The following PRRX1 variants were observed in gnomAD, a reference collection of about 807,000 sequenced individuals.
The protein encoded by PRRX1 is paired related homeobox 1.
Under a neutral mutation model 24.0 loss-of-function variants are expected in PRRX1, and 8 were observed. That is an observed-to-expected ratio of 0.33 (90% CI 0.20 to 0.60). The LOEUF (loss-of-function observed/expected upper bound fraction) is 0.60, where lower values mean the gene tolerates loss of function less well. Among genes scored for constraint, PRRX1 ranks in the 20% least tolerant of loss-of-function variants. PRRX1 has a pLI of 0.82. For synonymous variants in PRRX1, 160 were observed against 131.7 expected (o/e 1.22, Z -1.47); for missense variants, 281 against 322.4 (o/e 0.87, Z 0.98).
At chr1:170,678,948 A>C (rs562343902) in intron 1 of PRRX1, among the ~76,000 whole-genome samples, 1 of 152,212 alleles carries the variant, frequency 6.6e-6, no homozygotes, top group African/African-American at 2.4e-5. Flanking sequence ...CAGAATCTCC[A>C]AAGTATATGC....
chr1:170,704,265 C>A lies in PRRX1; in HGVS notation c.242-15461C>A, dbSNP rs116338599. ...TCTTTGAAAGAAAGGCCTATATAAA[C>A]GCAACCTCTCAACGCTGGGAAGTTA... On this transcript the variant is annotated intron_variant, in intron 1 of 3. Transcript: ENST00000239461. 3.8e-3 allele frequency among the ~76,000 whole-genome samples: 580 copies of A among 152,252 alleles called. 5 individuals carry two copies. Among genetic ancestry groups the A allele is most frequent in the African/African-American group, 0.013 (527 of 41,538 alleles).
intron 3 of PRRX1, among the ~76,000 whole-genome samples, chr1:170,733,891 T>C (rs1478994260): frequency 2.6e-5 from 4 of 152,124 alleles, no homozygotes; most frequent in Non-Finnish European, 5.9e-5. Context: ...TATATGGGCT[T>C]TGAAAATAAA....
rs575661315 is a variant in PRRX1 at position 170,670,224 on chromosome 1, T to C, written c.241+5765T>C. Reference sequence around the variant, plus strand: ...GCTTTTTGAGTACCATTCCCATTGTTTGGGTGTCCTTTAACTCCGTTTACA... The same window carrying C: ...GCTTTTTGAGTACCATTCCCATTGTCTGGGTGTCCTTTAACTCCGTTTACA... On this transcript the variant is annotated intron_variant, in intron 1 of 3. Coordinates refer to ENST00000239461, the MANE Select transcript of PRRX1 (RefSeq NM_022716.4). Among the ~76,000 whole-genome samples, 369 of 152,306 alleles carry C rather than the reference T, an allele frequency of 2.4e-3. 1 individual carries two copies. Among genetic ancestry groups the C allele is most frequent in the Non-Finnish European group, 4.6e-3 (312 of 68,028 alleles).
At chr1:170,735,137 A>G (rs1266032930) in intron 3 of PRRX1, among the ~76,000 whole-genome samples, 1 of 152,242 alleles carries the variant, frequency 6.6e-6, no homozygotes, top group Non-Finnish European at 1.5e-5. Context: ...TATTAAGTCT[A>G]TGAAACCATT....
intron 1 of PRRX1, among the ~76,000 whole-genome samples, chr1:170,718,401 TAA>T (rs1156557990): frequency 6.6e-6 from 1 of 152,218 alleles, no homozygotes; most frequent in Non-Finnish European, 1.5e-5. Context: ...CAATTTGTAA[TAA>T]AAACAATATT....
At chr1:170,689,122 T>G (rs765460371) in intron 1 of PRRX1, among the ~76,000 whole-genome samples, 3 of 152,160 alleles carry the variant, frequency 2.0e-5, no homozygotes, top group Non-Finnish European at 2.9e-5. Context: ...CCATCTCAGA[T>G]TCCCTAACTT....
intron 1 of PRRX1, among the ~76,000 whole-genome samples, chr1:170,701,106 A>T (rs1242837212): frequency 6.6e-6 from 1 of 152,158 alleles, no homozygotes; most frequent in Admixed American, 6.5e-5. Flanking sequence ...ACTGGTCAAA[A>T]TGTGTATTTT....
chr1:170,692,519 C>T (rs1250643448), intron 1 of PRRX1, among the ~76,000 whole-genome samples: 2 of 143,336 alleles, frequency 1.4e-5, no homozygotes, highest in Admixed American at 1.4e-4. Context: ...AAAGTTAAAG[C>T]TGTTTTTTTT....
In PRRX1 at chr1:170,738,994, A is replaced by G. The variant is rs1456561529; in HGVS notation, c.*2808A>G. ...AATATACATGTTGTACAAGCTCTCA[A>G]TTTTGTTCATTTATTATCAAATTTT... On this transcript the variant is annotated 3_prime_UTR_variant, in exon 4 of 4. Transcript: ENST00000239461. 2 of 223,418 alleles carry G rather than the reference A, an allele frequency of 9.0e-6. No homozygotes were observed. Among genetic ancestry groups the G allele is most frequent in the Non-Finnish European group, 1.8e-5 (2 of 112,068 alleles). 13.8% of individuals were successfully genotyped at this position (223,418 alleles called of 1,614,324 possible).
chr1:170,719,996 AG>A, intron 2 of PRRX1, 95 bp downstream of exon 2: 3 of 1,487,908 alleles, frequency 2.0e-6, no homozygotes, highest in Non-Finnish European at 2.8e-6. Flanking sequence ...AGCCCAGCAC[AG>A]TGGCTCATGC....
intron 1 of PRRX1, among the ~76,000 whole-genome samples, chr1:170,692,627 TACA>T (rs1474878280): frequency 6.6e-6 from 1 of 150,754 alleles, no homozygotes; most frequent in South Asian, 2.1e-4. Flanking sequence ...AGTAATCATC[TACA>T]ACAAGTATTG....
intron 1 of PRRX1, among the ~76,000 whole-genome samples, chr1:170,709,198 T>C (rs1571337496): frequency 1.3e-5 from 2 of 152,166 alleles, no homozygotes; most frequent in African/African-American, 2.4e-5. Context: ...GTGAGAAGAC[T>C]ACTTCTGGTT....
chr1:170,719,298 G>C (rs528821231), intron 1 of PRRX1, among the ~76,000 whole-genome samples: 8 of 152,200 alleles, frequency 5.3e-5, no homozygotes, highest in Non-Finnish European at 7.3e-5. Flanking sequence ...AAGGAACCAG[G>C]AGATAATTGG....
intron 2 of PRRX1, among the ~76,000 whole-genome samples, chr1:170,723,448 A>G (rs941673182): frequency 6.6e-6 from 1 of 152,242 alleles, no homozygotes; most frequent in African/African-American, 2.4e-5. Flanking sequence ...TTAAAAGCAG[A>G]GAATAAGTTT....
In PRRX1 at chr1:170,687,586, T is replaced by C. The variant is rs142080565; in HGVS notation, c.241+23127T>C. Among the ~76,000 whole-genome samples, 629 of 152,340 alleles carry C rather than the reference T, an allele frequency of 4.1e-3. 2 individuals are homozygous for C. Among genetic ancestry groups the C allele is most frequent in the African/African-American group, 0.014 (596 of 41,586 alleles). On this transcript the variant is annotated intron_variant, in intron 1 of 3. Transcript: ENST00000239461. ...TTCCTTTTCTCTAAAATGAGGATTA[T>C]AATACATCCTTTATAGGGTTTTTGT... is the stretch of plus-strand genomic sequence containing the variant.
At chr1:170,703,596 GT>G (rs113880067) in intron 1 of PRRX1, among the ~76,000 whole-genome samples, 33,639 of 149,586 alleles carry the variant, frequency 0.22, 4,495 homozygotes, top group Middle Eastern at 0.37. Context: ...ATATAATAGT[GT>G]TTTTTTTTTA....
intron 1 of PRRX1, among the ~76,000 whole-genome samples, chr1:170,680,953 G>C (rs191544738): frequency 1.3e-5 from 2 of 152,326 alleles, no homozygotes; most frequent in Admixed American, 1.3e-4. Context: ...ATGTATCAAT[G>C]AAACAACAAA....
intron 3 of PRRX1, chr1:170,727,134 A>C (rs1463330225): frequency 1.3e-5 from 2 of 152,040 alleles, no homozygotes; most frequent in African/African-American, 4.8e-5. Context: ...TGTTTCTTTT[A>C]AATAAAAAAG....
chr1:170,726,305 A>G lies in PRRX1; in HGVS notation c.503A>G (p.Tyr168Cys). 1.2e-6 allele frequency: 2 copies of G among 1,613,740 alleles called. No homozygotes were observed. Among genetic ancestry groups the G allele is most frequent in the Non-Finnish European group, 8.5e-7 (1 of 1,179,872 alleles). Residue 168 changes from tyrosine (Y) to cysteine (C), a missense_variant, in exon 3 of 4, where the codon TAC (tyrosine) becomes TGC (cysteine). Physicochemically the swap from Tyr to Cys is radical, Grantham distance 194. Coordinates refer to ENST00000239461, the MANE Select transcript of PRRX1 (RefSeq NM_022716.4). Reference sequence around the variant, plus strand: ...AAAAACGCTTCCCTCCTCAAATCCTACTCAGGAGACGTGACTGCTGTGGAG... The same window carrying G: ...AAAAACGCTTCCCTCCTCAAATCCTGCTCAGGAGACGTGACTGCTGTGGAG... Reference protein sequence around the residue: ...ANKNASLLKSYSGDVTAVEQP... With the variant: ...ANKNASLLKSCSGDVTAVEQP...
Sources: allele counts gnomAD v4.1 joint callset (sites outside exome capture counted in the v4.1 genomes callset), GRCh38; gene constraint gnomAD v4.1.1; transcripts MANE v1.5; gene names NCBI Gene and HGNC (gene_info 2026-07-23, HGNC 2026-07-21).